The following MEGF6 variants were observed in gnomAD, a reference collection of about 807,000 sequenced individuals.
MEGF6 encodes the protein multiple EGF like domains 6, also known as multiple epidermal growth factor-like domains protein 6.
In MEGF6, 184 loss-of-function variants were observed where a neutral mutation model predicts 207.1. The observed-to-expected ratio is 0.89, with a 90% CI of 0.79 to 1.00. The LOEUF (loss-of-function observed/expected upper bound fraction) is 1.00. MEGF6 is among the 50% of genes least tolerant of loss of function. The probability of loss-of-function intolerance (pLI) is 0.00; values close to 1 mark genes in which losing one functional copy is unlikely to be tolerated. For synonymous variants in MEGF6, 1,038 were observed against 910.0 expected, an observed-to-expected ratio of 1.14 and a Z score of -2.53; for missense variants, 2,282 against 2,202.9, an observed-to-expected ratio of 1.04 and a Z score of -0.72.
the MEGF6 span, among the ~76,000 whole-genome samples, chr1:3,618,495 G>C: frequency 1.8e-3 from 267 of 152,264 alleles, 1 homozygote; most frequent in Middle Eastern, 0.01. This position sits in a 1 kb window ranked among gnomAD's most constrained non-coding sequence, Gnocchi z 4.7. Flanking sequence ...CAGAGGTGGA[G>C]GAAATTACCA....
At chr1:3,541,214 C>T (rs1428132105) in intron 4 of MEGF6, among the ~76,000 whole-genome samples, 1 of 152,266 alleles carries the variant, frequency 6.6e-6, no homozygotes, top group African/African-American at 2.4e-5. Flanking sequence ...TGGGGGGCCT[C>T]AGCACTGAGC....
intron 4 of MEGF6, among the ~76,000 whole-genome samples, chr1:3,569,749 A>G (rs75463977): frequency 0.011 from 1,607 of 152,316 alleles, 38 homozygotes; most frequent in African/African-American, 0.036. Flanking sequence ...AAGACTTGAG[A>G]TGCCCACTCA....
chr1:3,581,919 A>C, intron 3 of MEGF6, among the ~76,000 whole-genome samples: 1 of 151,202 alleles, frequency 6.6e-6, no homozygotes, highest in Non-Finnish European at 1.5e-5. Flanking sequence ...TAAACCCCAT[A>C]CCATTCCCTC....
intron 4 of MEGF6, among the ~76,000 whole-genome samples, chr1:3,576,101 C>T (rs970061397): frequency 2.0e-5 from 3 of 152,272 alleles, no homozygotes; most frequent in East Asian, 1.9e-4. Flanking sequence ...ACAAAATGAG[C>T]GGCTGGCCCT....
At chr1:3,553,209 C>T (rs181440801) in intron 4 of MEGF6, among the ~76,000 whole-genome samples, 2,009 of 150,868 alleles carry the variant, frequency 0.013, 25 homozygotes, top group Non-Finnish European at 0.021. Context: ...CTGGCTCCAG[C>T]CTGAGGATGG....
In MEGF6 at chr1:3,515,453, A is replaced by C. The variant is rs1641508432; in HGVS notation, c.679T>G (p.Cys227Gly). 1.2e-6 allele frequency: 2 copies of C among 1,612,594 alleles called. No individual in the cohort carries two copies. Among genetic ancestry groups the C allele is most frequent in the African/African-American group, 2.7e-5 (2 of 74,938 alleles). ...CVQLTITRHR[C>G]QCRPGFQLQE... ...AGCTGGAACCCGGGCCGGCACTGGC[A>C]GCGATGCCGAGTGATTGTGAGCTGG... The change falls in exon 6 of 37, where the codon TGC (cysteine) becomes GGC (glycine). Residue 227 changes from cysteine (C) to glycine (G), a missense_variant. Physicochemically the swap from Cys to Gly is radical, Grantham distance 159. Transcript: ENST00000356575.
intron 18 of MEGF6, 133 bp downstream of exon 18, chr1:3,501,650 ACCCCAGGGGAGTG>A: frequency 3.3e-6 from 4 of 1,210,626 alleles, no homozygotes; most frequent in African/African-American, 1.5e-5. Flanking sequence ...CCCCCTCCCT[ACCCCAGGGGAGTG>A]CACTGTGAGC....
intron 4 of MEGF6, chr1:3,531,214 G>A: frequency 6.7e-7 from 1 of 1,493,274 alleles, no homozygotes; most frequent in Non-Finnish European, 8.9e-7. Context: ...GCACCAGAGC[G>A]CGGCCAGCCC....
intron 4 of MEGF6, among the ~76,000 whole-genome samples, chr1:3,571,593 C>T (rs61762178): frequency 0.023 from 3,468 of 151,878 alleles, 68 homozygotes; most frequent in Non-Finnish European, 0.032. Context: ...TGGGTCCTTC[C>T]TGCATATGCT....
In MEGF6 at chr1:3,511,664, T is replaced by C. The variant is rs555768384; in HGVS notation, c.1000A>G (p.Ser334Gly). 47 of 1,609,294 alleles carry C rather than the reference T, an allele frequency of 2.9e-5. No homozygotes were observed. In the South Asian group the frequency reaches 4.9e-4, roughly 17 times the overall value. ...CYRIEMEIVN[S>G]CEANNGGCSH... ...CAGCCGCCGTTGTTGGCCTCACAGC[T>C]GTTCACGATTTCCATCTCAATCCCT... Residue 334 changes from serine (S) to glycine (G), a missense_variant, in exon 9 of 37, where the codon AGC (serine) becomes GGC (glycine). Ser to Gly is a moderately conservative substitution (Grantham distance 56). Coordinates refer to ENST00000356575, the MANE Select transcript of MEGF6 (RefSeq NM_001409.4).
In MEGF6 at chr1:3,538,987, G is replaced by A. The variant is rs560192880; in HGVS notation, c.482-14741C>T. On this transcript the variant is annotated intron_variant, in intron 4 of 36. Coordinates refer to ENST00000356575, the MANE Select transcript of MEGF6 (RefSeq NM_001409.4). ...CACACTGTACTCAGAGGAGTGATCC[G>A]GGAGGCTTCCTGGAGGAGGTGGCAC... Among the ~76,000 whole-genome samples the A allele has an allele frequency of 1.8e-4, 27 of 152,326 alleles. No homozygotes were observed. In the South Asian group the frequency reaches 3.5e-3, roughly 20 times the overall value.
intron 1 of MEGF6, among the ~76,000 whole-genome samples, chr1:3,609,002 G>A (rs1416138457): frequency 6.6e-6 from 1 of 152,194 alleles, no homozygotes; most frequent in Non-Finnish European, 1.5e-5. Context: ...GCATTAACAG[G>A]AGGTTGGCAG....
intron 4 of MEGF6, among the ~76,000 whole-genome samples, chr1:3,570,135 G>T (rs1045736749): frequency 1.3e-5 from 2 of 152,208 alleles, no homozygotes; most frequent in Admixed American, 6.5e-5. Context: ...CCCAGCCTGA[G>T]CATAGCAAGA....
At chr1:3,509,617 CGGGA>C (rs563807104) in intron 11 of MEGF6, among the ~76,000 whole-genome samples, 1 of 152,278 alleles carries the variant, frequency 6.6e-6, no homozygotes, top group South Asian at 2.1e-4. Flanking sequence ...TGCTGGGCTC[CGGGA>C]GGATGCCTGT....
chr1:3,581,502 G>A (rs188320286), intron 3 of MEGF6, among the ~76,000 whole-genome samples: 451 of 152,326 alleles, frequency 3.0e-3, no homozygotes, highest in African/African-American at 0.01. Context: ...CCCAGGGACC[G>A]GGGACCAACC....
At chr1:3,540,342 T>C (rs1642475801) in intron 4 of MEGF6, among the ~76,000 whole-genome samples, 1 of 152,220 alleles carries the variant, frequency 6.6e-6, no homozygotes, top group Non-Finnish European at 1.5e-5. Flanking sequence ...GGAACACACC[T>C]TGCAGCCGGG....
At chr1:3,575,312 C>T (rs1048565514) in intron 4 of MEGF6, among the ~76,000 whole-genome samples, 2 of 152,144 alleles carry the variant, frequency 1.3e-5, no homozygotes, top group African/African-American at 4.8e-5. Context: ...GAAACTGATA[C>T]TCTGATGGGA....
chr1:3,605,359 TCACA>T (rs761482326), intron 1 of MEGF6, among the ~76,000 whole-genome samples: 5 of 109,842 alleles, frequency 4.6e-5, no homozygotes, highest in African/African-American at 1.1e-4. Flanking sequence ...TCACGCACGT[TCACA>T]CACACTCAAT....
chr1:3,490,243 G>A lies in MEGF6; in HGVS notation c.*285C>T, dbSNP rs1640297794. 2 of 499,962 alleles carry A rather than the reference G, an allele frequency of 4.0e-6. No individual in the cohort carries two copies. The highest frequency in any genetic ancestry group is 3.7e-5 in the East Asian group (1 of 27,216). The allele number at this position is 499,962 out of a possible 1,614,324, so 31.0% of individuals were successfully genotyped here. A position where few individuals can be genotyped will look rare whatever the true frequency, so the allele number is the denominator to read the frequency against. On this transcript the variant is annotated 3_prime_UTR_variant, in exon 37 of 37. Transcript: ENST00000356575. ...CCTCAGTCCAACTCAGAGCCGCGGGGAGAGCGGGACTTCCTCAGCCCAGGC... is the reference window on the plus strand; with the variant it reads ...CCTCAGTCCAACTCAGAGCCGCGGGAAGAGCGGGACTTCCTCAGCCCAGGC...
Sources: gnomAD v4.1 joint callset for allele counts (sites outside exome capture counted in the v4.1 genomes callset) on GRCh38, gnomAD v4.1.1 for gene constraint, Gnocchi (gnomAD v3.1) non-coding constraint, MANE v1.5 for transcripts, NCBI Gene and HGNC (gene_info 2026-07-23, HGNC 2026-07-21) for gene names.